Variants in BSCL2 observed in about 807,000 individuals in gnomAD.
The protein encoded by BSCL2 is BSCL2 lipid droplet biogenesis associated, seipin.
A neutral mutation model predicts 57.4 loss-of-function variants in BSCL2; 41 were observed. That is an observed-to-expected ratio of 0.71 (90% CI 0.56 to 0.93). The LOEUF is 0.93. Ranked by LOEUF, BSCL2 falls within the 40% of genes least tolerant of loss-of-function variation. BSCL2 has a pLI of 0.00. For missense variants in BSCL2, 539 were observed against 586.7 expected (o/e 0.92, Z 0.84); for synonymous variants, 237 against 227.3 (o/e 1.04, Z -0.38).
intron 3 of BSCL2, among the ~76,000 whole-genome samples, chr11:62,698,769 A>G (rs1163438513): frequency 6.6e-6 from 1 of 151,996 alleles, no homozygotes; most frequent in Non-Finnish European, 1.5e-5. Context: ...TGACAGCCTC[A>G]CACCTGATCG....
At position 62,705,499 on chromosome 11, in the gene BSCL2, G is replaced by A. The variant is rs1309932860; in HGVS notation, c.206C>T (p.Pro69Leu). The A allele has an allele frequency of 2.5e-6, 4 of 1,614,076 alleles. No homozygotes were observed. The highest frequency in any genetic ancestry group is 3.4e-6 in the Non-Finnish European group (4 of 1,180,028). Residue 69 changes from proline to leucine, a missense_variant, in exon 2 of 11, where the codon CCT (proline) becomes CTT (leucine). By Grantham distance (98) the Pro-to-Leu change is moderately conservative (BLOSUM62 -3). This residue lies in a region of BSCL2 where 218 missense variants were observed against 224.8 expected (regional missense o/e 0.97). Coordinates refer to ENST00000360796, the MANE Select transcript of BSCL2 (RefSeq NM_001122955.4). ...GGCCCACAGTAAGGCAGGTACTGGA[G>A]GGTCGTTGACCATGGCCGGGAGAGC... is the stretch of plus-strand genomic sequence containing the variant. ...HPALPAMVND[P>L]PVPALLWAQE...
At chr11:62,696,144 C>CT (rs1162093231) in intron 3 of BSCL2, among the ~76,000 whole-genome samples, 4 of 152,164 alleles carry the variant, frequency 2.6e-5, no homozygotes, top group African/African-American at 9.7e-5. Flanking sequence ...GTACTCCAGC[C>CT]TGGGTGACAG....
Position 62,705,530 on chromosome 11 carries a change from G to A in BSCL2, c.175C>T (p.His59Tyr). Residue 59 changes from histidine to tyrosine, a missense_variant, in exon 2 of 11, where the codon CAC becomes TAC. Around this residue, in one of 3 missense-constraint regions of BSCL2, gnomAD observed 218 missense variants for 224.8 expected, o/e 0.97. Coordinates refer to ENST00000360796, the MANE Select transcript of BSCL2 (RefSeq NM_001122955.4). ...RNARPEPGAR[H>Y]PALPAMVNDP... is the part of the protein sequence containing the mutation. Reference sequence around the variant, plus strand: ...TTGACCATGGCCGGGAGAGCAGGGTGTCTGGCCCCAGGTTCAGGCCTTGCG... The same window carrying A: ...TTGACCATGGCCGGGAGAGCAGGGTATCTGGCCCCAGGTTCAGGCCTTGCG... 1 of 1,612,962 alleles carries A rather than the reference G, an allele frequency of 6.2e-7. No homozygotes were observed. The highest frequency in any genetic ancestry group is 8.5e-7 in the Non-Finnish European group (1 of 1,179,132).
chr11:62,699,769 C>G (rs1945586571), intron 3 of BSCL2, among the ~76,000 whole-genome samples: 1 of 150,758 alleles, frequency 6.6e-6, no homozygotes, highest in Non-Finnish European at 1.5e-5. Context: ...ACCTCCACCT[C>G]CCGGGTTCAA....
Position 62,705,521 on chromosome 11 carries a change from G to A in BSCL2, c.184C>T (p.Leu62Phe), listed in dbSNP as rs756907468. The change falls in exon 2 of 11, where the codon CTC (leucine) becomes TTC (phenylalanine). Residue 62 changes from leucine to phenylalanine, a missense_variant. Coordinates refer to ENST00000360796, the MANE Select transcript of BSCL2 (RefSeq NM_001122955.4). The part of the protein sequence containing the change: ...RPEPGARHPA[L>F]PAMVNDPPVP... ...GGAGGGTCGTTGACCATGGCCGGGA[G>A]AGCAGGGTGTCTGGCCCCAGGTTCA... 95 of 1,613,298 alleles carry A rather than the reference G, an allele frequency of 5.9e-5. No individual in the cohort carries two copies. The highest frequency in any genetic ancestry group is 7.8e-5 in the Non-Finnish European group (92 of 1,179,410).
At chr11:62,709,272 A>G, upstream of BSCL2, 1 of 454,318 alleles carries the variant, frequency 2.2e-6, no homozygotes, top group Non-Finnish European at 4.4e-6. Context: ...ACCCAGGGAA[A>G]AGGGCCAATC....
intron 1 of BSCL2, 79 bp downstream of exon 1, chr11:62,707,030 A>C: frequency 7.9e-7 from 1 of 1,260,610 alleles, no homozygotes; most frequent in Non-Finnish European, 1.1e-6. Flanking sequence ...CTTAAAACCA[A>C]TCCATCCCCC....
chr11:62,705,843 C>T (rs907854649), intron 1 of BSCL2: 1 of 546,038 alleles, frequency 1.8e-6, no homozygotes, highest in South Asian at 2.8e-5. Context: ...AGTGGAATTC[C>T]TTCTCCAGTC....
intron 1 of BSCL2, 196 bp from the exon 2 acceptor site, chr11:62,705,813 G>A: frequency 1.6e-6 from 1 of 608,896 alleles, no homozygotes; most frequent in Non-Finnish European, 2.8e-6. Context: ...GTTCCCTCCC[G>A]CCCAGTGCTA....
intron 1 of BSCL2, chr11:62,706,553 C>T (rs1297933711): frequency 2.2e-6 from 1 of 462,040 alleles, no homozygotes; most frequent in Admixed American, 2.4e-5. Flanking sequence ...AGGGGATGCG[C>T]TGACTGCAGC....
chr11:62,697,251 C>T (rs1202566468), intron 3 of BSCL2, among the ~76,000 whole-genome samples: 6 of 150,824 alleles, frequency 4.0e-5, no homozygotes, highest in Non-Finnish European at 5.9e-5. Context: ...AAAAATTAGC[C>T]GGGCATGGTG....
rs56985088 is a variant in BSCL2, at chr11:62,703,565, A to G, written c.405-1016T>C. Among the ~76,000 whole-genome samples, 432 of 151,068 alleles carry G rather than the reference A, an allele frequency of 2.9e-3. 9 individuals carry two copies. The East Asian group carries it at 0.05, about 18-fold the overall frequency. ...ACAGGGTTTCACGGTGTTAGCCAGG[A>G]TAGTCTCAATCTCCTGACCTTGTGA... On this transcript the variant is annotated intron_variant, in intron 2 of 10. Coordinates refer to ENST00000360796, the MANE Select transcript of BSCL2 (RefSeq NM_001122955.4).
At chr11:62,691,020 G>A in intron 8 of BSCL2, 55 bp downstream of exon 8, 6 of 1,601,826 alleles carry the variant, frequency 3.7e-6, no homozygotes, top group Non-Finnish European at 4.3e-6. Context: ...ACTCCTTCTG[G>A]CCCAGCCCAG....
Position 62,706,216 on chromosome 11 carries a change from C to T in BSCL2, c.88-599G>A, listed in dbSNP as rs979943520. 3 of 1,075,242 alleles carry T rather than the reference C, an allele frequency of 2.8e-6. No homozygotes were observed. In the Admixed American group the frequency reaches 1.5e-4, roughly 55 times the overall value. 66.6% of individuals were successfully genotyped at this position (1,075,242 alleles called of 1,614,324 possible). On this transcript the variant is annotated intron_variant, in intron 1 of 10. Coordinates refer to ENST00000360796, the MANE Select transcript of BSCL2 (RefSeq NM_001122955.4). ...CGGAGCCCCTACCTAATCGTGCAAC[C>T]ATGGAAACCAGCCCGCCGGCTGCCA...
intron 1 of BSCL2, chr11:62,706,793 G>A: frequency 1.7e-6 from 1 of 571,716 alleles, no homozygotes; most frequent in Non-Finnish European, 3.4e-6. Context: ...GCAGATTAGT[G>A]CCCTGTTCCC....
At chr11:62,706,431 G>A in intron 1 of BSCL2, 1 of 499,168 alleles carries the variant, frequency 2.0e-6, no homozygotes, top group Non-Finnish European at 3.2e-6. Flanking sequence ...GAGCTGCGAG[G>A]TCGCTGTCTC....
chr11:62,699,668 C>T (rs189264172), intron 3 of BSCL2, among the ~76,000 whole-genome samples: 18 of 142,072 alleles, frequency 1.3e-4, no homozygotes, highest in Non-Finnish European at 2.1e-4. Flanking sequence ...TAGCAAAATC[C>T]TATCTGGTTT....
At chr11:62,695,848 G>T (rs905311272) in intron 3 of BSCL2, among the ~76,000 whole-genome samples, 8 of 151,866 alleles carry the variant, frequency 5.3e-5, no homozygotes, top group Non-Finnish European at 1.0e-4. Flanking sequence ...CACTGATAGG[G>T]GCCTTTTTTT....
intron 6 of BSCL2, among the ~76,000 whole-genome samples, chr11:62,691,826 G>A (rs768939582): frequency 6.6e-5 from 10 of 152,124 alleles, no homozygotes; most frequent in Non-Finnish European, 1.3e-4. Flanking sequence ...CAAGGTGGAC[G>A]GATCACAAGG....
Sources: allele counts gnomAD v4.1 joint callset (sites outside exome capture counted in the v4.1 genomes callset), GRCh38; gene constraint gnomAD v4.1.1; regional missense constraint gnomAD v4.1.1; transcripts MANE v1.5; gene names NCBI Gene and HGNC (gene_info 2026-07-23, HGNC 2026-07-21).